The following POU2F1 variants were observed in gnomAD, a reference collection of about 807,000 sequenced individuals.
POU2F1 encodes the protein POU class 2 homeobox 1, also known as POU domain, class 2, transcription factor 1.
POU2F1 carries 16 observed loss-of-function variants against 84.9 expected under a neutral mutation model. The ratio of observed to expected loss-of-function variants is 0.19; its 90% CI spans 0.13 to 0.29. The LOEUF is 0.29. Ranked by LOEUF, POU2F1 falls within the 10% of genes least tolerant of loss-of-function variation. POU2F1 has a pLI of 1.00. For synonymous variants in POU2F1, 368 were observed against 368.3 expected, an observed-to-expected ratio of 1.00 and a Z score of 0.01; for missense variants, 738 against 942.6, an observed-to-expected ratio of 0.78 and a Z score of 2.84.
chr1:167,370,640 A>C (rs1212101945), intron 4 of POU2F1, among the ~76,000 whole-genome samples: 1 of 152,198 alleles, frequency 6.6e-6, no homozygotes, highest in African/African-American at 2.4e-5. Context: ...TTAGGTTTGC[A>C]TTCTCATTCT....
intron 6 of POU2F1, 118 bp downstream of exon 6, chr1:167,374,414 TAGATCAGTG>T (rs1231317863): frequency 1.1e-6 from 1 of 946,158 alleles, no homozygotes; most frequent in Non-Finnish European, 1.5e-6. Context: ...TGAGGAGCTC[TAGATCAGTG>T]AGGTAAGCGG....
At chr1:167,265,111 G>C (rs181731155) in intron 1 of POU2F1, among the ~76,000 whole-genome samples, 76 of 152,266 alleles carry the variant, frequency 5.0e-4, no homozygotes, top group African/African-American at 1.8e-3. Context: ...AGAGAGTCCT[G>C]TACTGATCTA....
intron 1 of POU2F1, among the ~76,000 whole-genome samples, chr1:167,326,962 C>T (rs1230106121): frequency 2.6e-5 from 4 of 152,034 alleles, no homozygotes; most frequent in East Asian, 1.9e-4. Context: ...TTCGTAAAGG[C>T]GGAAGAGGAG....
chr1:167,251,601 G>C (rs374565925), intron 1 of POU2F1, among the ~76,000 whole-genome samples: 161 of 152,130 alleles, frequency 1.1e-3, no homozygotes, highest in African/African-American at 3.4e-3. Context: ...CATGGTCTCT[G>C]TATATCAAGT....
At chr1:167,338,214 C>G (rs1449508894) in intron 2 of POU2F1, 8 of 466,916 alleles carry the variant, frequency 1.7e-5, no homozygotes, top group Non-Finnish European at 3.5e-5. Flanking sequence ...AGCATGAAGA[C>G]AAGGATGAAG....
chr1:167,410,020 C>A (rs1649845775), intron 13 of POU2F1, among the ~76,000 whole-genome samples: 1 of 152,072 alleles, frequency 6.6e-6, no homozygotes, highest in Non-Finnish European at 1.5e-5. Context: ...TAACACAGGA[C>A]CCTACACAGC....
chr1:167,345,419 G>A (rs1388699078), intron 2 of POU2F1, among the ~76,000 whole-genome samples: 8 of 152,194 alleles, frequency 5.3e-5, no homozygotes, highest in Non-Finnish European at 1.2e-4. Context: ...GGATTTCCTT[G>A]TGATACAGGG....
intron 1 of POU2F1, among the ~76,000 whole-genome samples, chr1:167,260,120 C>T (rs901972173): frequency 4.6e-5 from 7 of 152,120 alleles, no homozygotes; most frequent in Non-Finnish European, 1.0e-4. Context: ...CCTCGTGATC[C>T]GCCCGCCTCA....
chr1:167,424,070 C>T lies in POU2F1; in HGVS notation c.*8260C>T, dbSNP rs1252182203. The T allele has an allele frequency of 6.6e-6, 1 of 152,238 alleles. No homozygotes were observed. Among genetic ancestry groups the T allele is most frequent in the East Asian group, 1.9e-4 (1 of 5,198 alleles). 9.4% of individuals were successfully genotyped at this position (152,238 alleles called of 1,614,324 possible). A position where few individuals can be genotyped will look rare whatever the true frequency, so the allele number is the denominator to read the frequency against. ...CTTTCAGAAGCTAAAATGACAGTGT[C>T]TGCTACAAAAGGCTGTAGTTGTAGG... On this transcript the variant is annotated 3_prime_UTR_variant, in exon 16 of 16. Transcript: ENST00000367866.
intron 1 of POU2F1, among the ~76,000 whole-genome samples, chr1:167,284,322 G>A (rs1191745696): frequency 6.6e-6 from 1 of 152,118 alleles, no homozygotes; most frequent in Non-Finnish European, 1.5e-5. Context: ...AATCACAAAG[G>A]TTCTTGATAG....
intron 2 of POU2F1, among the ~76,000 whole-genome samples, chr1:167,364,639 G>A (rs1224679660): frequency 2.7e-5 from 4 of 146,286 alleles, no homozygotes; most frequent in African/African-American, 7.6e-5. Context: ...GTGCAGTGGC[G>A]TGATCTCGGC....
In POU2F1 at chr1:167,416,175, G is replaced by A. The variant is rs959641549; in HGVS notation, c.*365G>A. ...ACTTATCATTTCCAGCAGTCATGAT[G>A]ACAAGTTAAGGTGGGTTACCAATTC... On this transcript the variant is annotated 3_prime_UTR_variant, in exon 16 of 16. Coordinates refer to ENST00000367866, the MANE Select transcript of POU2F1 (RefSeq NM_002697.4). 8.2e-6 allele frequency: 3 copies of A among 365,924 alleles called. No individual in the cohort carries two copies. In the Admixed American group the frequency reaches 1.3e-4, roughly 16 times the overall value. 22.7% of individuals were successfully genotyped at this position (365,924 alleles called of 1,614,324 possible). A position where few individuals can be genotyped will look rare whatever the true frequency, so the allele number is the denominator to read the frequency against.
intron 9 of POU2F1, among the ~76,000 whole-genome samples, chr1:167,393,728 G>C (rs1022825122): frequency 6.6e-6 from 1 of 152,038 alleles, no homozygotes; most frequent in African/African-American, 2.4e-5. Flanking sequence ...TTTTTTGCTT[G>C]TTAAATTGTT....
In POU2F1 at chr1:167,423,935, G is replaced by A. The variant is rs1053990653; in HGVS notation, c.*8125G>A. 1 of 152,174 alleles carries A rather than the reference G, an allele frequency of 6.6e-6. No homozygotes were observed. The highest frequency in any genetic ancestry group is 2.4e-5 in the African/African-American group (1 of 41,424). 9.4% of individuals were successfully genotyped at this position (152,174 alleles called of 1,614,324 possible). A position where few individuals can be genotyped will look rare whatever the true frequency, so the allele number is the denominator to read the frequency against. ...CAAACACTTGAGTTTCTTAAGATTGGGATCTCTTTCAAATGAAAAAGGACA... is the reference window on the plus strand; with the variant it reads ...CAAACACTTGAGTTTCTTAAGATTGAGATCTCTTTCAAATGAAAAAGGACA... On this transcript the variant is annotated 3_prime_UTR_variant, in exon 16 of 16. Coordinates refer to ENST00000367866, the MANE Select transcript of POU2F1 (RefSeq NM_002697.4).
intron 3 of POU2F1, among the ~76,000 whole-genome samples, chr1:167,368,354 A>G (rs767420004): frequency 5.0e-4 from 76 of 151,908 alleles, no homozygotes; most frequent in Non-Finnish European, 9.3e-4. Context: ...TGCATTCAGA[A>G]GCCGTATCAT....
At chr1:167,312,915 C>CTA (rs1201460512) in intron 1 of POU2F1, among the ~76,000 whole-genome samples, 1 of 152,186 alleles carries the variant, frequency 6.6e-6, no homozygotes, top group Non-Finnish European at 1.5e-5. Flanking sequence ...TTACAGTTGC[C>CTA]TACAGTATTC....
At chr1:167,374,794 G>A (rs148347322) in intron 6 of POU2F1, among the ~76,000 whole-genome samples, 4,823 of 152,236 alleles carry the variant, frequency 0.032, 127 homozygotes, top group African/African-American at 0.076. Context: ...AGCGCCAGGC[G>A]CGGTGGCTCA....
At chr1:167,358,293 A>G (rs908863099) in intron 2 of POU2F1, among the ~76,000 whole-genome samples, 1 of 151,762 alleles carries the variant, frequency 6.6e-6, no homozygotes, top group Non-Finnish European at 1.5e-5. Context: ...TTAGTAGATT[A>G]GGTTTGCTAT....
intron 7 of POU2F1, among the ~76,000 whole-genome samples, chr1:167,381,388 T>C (rs1035885806): frequency 2.0e-5 from 3 of 152,056 alleles, no homozygotes; most frequent in Non-Finnish European, 2.9e-5. Context: ...TGGCCAAGCA[T>C]TGGTTTTTTA....
Sources: allele counts gnomAD v4.1 joint callset (sites outside exome capture counted in the v4.1 genomes callset), GRCh38; gene constraint gnomAD v4.1.1; transcripts MANE v1.5; gene names NCBI Gene and HGNC (gene_info 2026-07-23, HGNC 2026-07-21).